Variants in GLDC observed in about 807,000 individuals in gnomAD.
GLDC encodes the protein glycine decarboxylase, also known as glycine dehydrogenase (decarboxylating), mitochondrial.
A neutral mutation model predicts 121.3 loss-of-function variants in GLDC; 104 were observed. The ratio of observed to expected loss-of-function variants is 0.86; its 90% CI spans 0.73 to 1.01. The LOEUF is 1.01. Among genes scored for constraint, GLDC ranks in the 50% least tolerant of loss-of-function variants. The pLI is 0.00. For missense variants in GLDC, 1,429 were observed against 1,306.6 expected (o/e 1.09, Z -1.44); for synonymous variants, 546 against 480.6 (o/e 1.14, Z -1.78).
chr9:6,625,144 A>G (rs995425477), intron 2 of GLDC, among the ~76,000 whole-genome samples: 9 of 152,236 alleles, frequency 5.9e-5, no homozygotes, highest in East Asian at 1.9e-4. Flanking sequence ...AGCTGGTGCT[A>G]TGGTTCTGGG....
intron 4 of GLDC, among the ~76,000 whole-genome samples, chr9:6,609,944 G>A (rs1554648626): frequency 6.6e-6 from 1 of 152,020 alleles, no homozygotes; most frequent in African/African-American, 2.4e-5. Context: ...CCCCTCGCCT[G>A]CCAACCTCAG....
chr9:6,575,205 C>G (rs1185635646), intron 15 of GLDC, among the ~76,000 whole-genome samples: 1 of 132,050 alleles, frequency 7.6e-6, no homozygotes, highest in Admixed American at 8.0e-5. Flanking sequence ...GACTCCATCT[C>G]AAAAGAAGCA....
chr9:6,594,919 T>C, intron 9 of GLDC, 95 bp downstream of exon 9: 2 of 804,358 alleles, frequency 2.5e-6, no homozygotes, highest in Non-Finnish European at 2.2e-6. Flanking sequence ...TGACTTTTAA[T>C]TTTGCATATA....
At chr9:6,562,863 A>G (rs186609012) in intron 16 of GLDC, among the ~76,000 whole-genome samples, 152 of 152,278 alleles carry the variant, frequency 1.0e-3, no homozygotes, top group Non-Finnish European at 1.6e-3. Context: ...GCCCGAGCTA[A>G]TTAAAATTTC....
At position 6,645,394 on chromosome 9, in the gene GLDC, C is replaced by A; in HGVS notation, c.106G>T (p.Asp36Tyr). Residue 36 changes from aspartate to tyrosine, a missense_variant, in exon 1 of 25, where the codon GAC (aspartate) becomes TAC (tyrosine). Coordinates refer to ENST00000321612, the MANE Select transcript of GLDC (RefSeq NM_000170.3). ...CTGTCCCCGCCGCCACTGCTGCTGT[C>A]CCGGCTCCGCGGCGCCCAGCACGGC... ...SGPCWAPRSR[D>Y]SSSGGGDSAA... 1 of 1,506,264 alleles carries A rather than the reference C, an allele frequency of 6.6e-7. No homozygotes were observed. The highest frequency in any genetic ancestry group is 1.2e-5 in the South Asian group (1 of 80,162). The allele number at this position is 1,506,264 out of a possible 1,614,324, so 93.3% of individuals were successfully genotyped here. A position where few individuals can be genotyped will look rare whatever the true frequency, so the allele number is the denominator to read the frequency against.
intron 15 of GLDC, chr9:6,566,606 A>C (rs530495141): frequency 6.6e-6 from 1 of 152,276 alleles, no homozygotes; most frequent in South Asian, 2.1e-4. Context: ...ATATGCCATG[A>C]CTAACATTCC....
In GLDC at chr9:6,627,561, C is replaced by A. The variant is rs114946161; in HGVS notation, c.335-7242G>T. 1.8e-3 allele frequency among the ~76,000 whole-genome samples: 275 copies of A among 152,162 alleles called. 2 individuals carry two copies. Among genetic ancestry groups the A allele is most frequent in the African/African-American group, 6.2e-3 (258 of 41,508 alleles). On this transcript the variant is annotated intron_variant, in intron 2 of 24. Transcript: ENST00000321612. Reference sequence around the variant, plus strand: ...GCCCAATTTTACCTTCTGTTGAGAACAAAGTGAGTTAATAGAATGAGCTGT... The same window carrying A: ...GCCCAATTTTACCTTCTGTTGAGAAAAAAGTGAGTTAATAGAATGAGCTGT...
At chr9:6,632,121 T>C (rs925295949) in intron 2 of GLDC, among the ~76,000 whole-genome samples, 1 of 152,104 alleles carries the variant, frequency 6.6e-6, no homozygotes, top group Non-Finnish European at 1.5e-5. Context: ...ACCAAGTAAA[T>C]TGTAATCTCT....
intron 8 of GLDC, among the ~76,000 whole-genome samples, chr9:6,595,662 C>T (rs1213870944): frequency 6.6e-6 from 1 of 152,124 alleles, no homozygotes; most frequent in African/African-American, 2.4e-5. Context: ...AAAGGACTGG[C>T]AAAAACGGCA....
intron 2 of GLDC, among the ~76,000 whole-genome samples, chr9:6,634,633 G>C (rs1819463937): frequency 6.6e-6 from 1 of 152,090 alleles, no homozygotes; most frequent in Non-Finnish European, 1.5e-5. Flanking sequence ...AACTAATGCA[G>C]ACTCATTCAT....
At chr9:6,616,058 C>CA (rs1818962009) in intron 3 of GLDC, among the ~76,000 whole-genome samples, 1 of 152,188 alleles carries the variant, frequency 6.6e-6, no homozygotes, top group Non-Finnish European at 1.5e-5. Context: ...CTCAGCCTCC[C>CA]AAGGAGCTGG....
rs769583276 is a variant in GLDC, at chr9:6,592,924, C to G, written c.1328G>C (p.Gly443Ala). 26 of 1,613,996 alleles carry G rather than the reference C, an allele frequency of 1.6e-5. No individual in the cohort carries two copies. The highest frequency in any genetic ancestry group is 2.2e-5 in the Non-Finnish European group (26 of 1,179,828). Residue 443 changes from glycine to alanine, a missense_variant, in exon 10 of 25, where the codon GGC (glycine) becomes GCC (alanine). By Grantham distance (60) the Gly-to-Ala change is moderately conservative (BLOSUM62 0). Coordinates refer to ENST00000321612, the MANE Select transcript of GLDC (RefSeq NM_000170.3). ...LFFDTLKIQC[G>A]CSVKEVLGRA... ...GCCCAAGACCTCCTTCACTGAGCAG[C>G]CACACTGAATCTTCAAGGTATCAAA...
intron 2 of GLDC, among the ~76,000 whole-genome samples, chr9:6,623,958 G>T (rs1819177008): frequency 6.6e-6 from 1 of 152,234 alleles, no homozygotes; most frequent in Non-Finnish European, 1.5e-5. Context: ...TGTGCAGGGG[G>T]GACAGGTCCC....
intron 3 of GLDC, among the ~76,000 whole-genome samples, chr9:6,612,892 G>A (rs79969563): frequency 6.6e-6 from 1 of 151,668 alleles, no homozygotes; most frequent in African/African-American, 2.4e-5. Context: ...GAGGCTGGAG[G>A]ATAGTTTGAG....
At chr9:6,599,818 T>A (rs999329713) in intron 8 of GLDC, among the ~76,000 whole-genome samples, 1 of 151,930 alleles carries the variant, frequency 6.6e-6, no homozygotes. Context: ...TTCCTTCCTA[T>A]CATACTGGAA....
chr9:6,641,151 C>A (rs1227552581), intron 2 of GLDC, among the ~76,000 whole-genome samples: 5 of 152,232 alleles, frequency 3.3e-5, no homozygotes, highest in Admixed American at 2.6e-4. Context: ...GACTGATGAA[C>A]CACCCGTCCT....
chr9:6,600,095 G>A (rs1222695132), intron 8 of GLDC, among the ~76,000 whole-genome samples: 3 of 152,104 alleles, frequency 2.0e-5, no homozygotes, highest in Admixed American at 6.5e-5. Flanking sequence ...GGCCAGGCAC[G>A]GTGGCTCATG....
intron 16 of GLDC, among the ~76,000 whole-genome samples, chr9:6,560,609 A>C (rs1331967816): frequency 6.6e-6 from 1 of 152,222 alleles, no homozygotes; most frequent in African/African-American, 2.4e-5. Flanking sequence ...TCAGGGCAGA[A>C]TATTGATAAG....
At chr9:6,639,669 G>GTACATATATATATATATA (rs1819588603) in intron 2 of GLDC, 1 of 212,444 alleles carries the variant, frequency 4.7e-6, no homozygotes, top group Non-Finnish European at 8.1e-6. Flanking sequence ...TAAAAAAAAA[G>GTACATATATATATATATA]TATATATATA....
Sources: gnomAD v4.1 joint callset for allele counts (sites outside exome capture counted in the v4.1 genomes callset) on GRCh38, gnomAD v4.1.1 for gene constraint, MANE v1.5 for transcripts, NCBI Gene and HGNC (gene_info 2026-07-23, HGNC 2026-07-21) for gene names.